The following RBFOX1 variants were observed in gnomAD, a reference collection of about 807,000 sequenced individuals.
The protein encoded by RBFOX1 is RNA binding protein fox-1 homolog 1.
A neutral mutation model predicts 57.7 loss-of-function variants in RBFOX1; 8 were observed. The observed-to-expected ratio is 0.14, with a 90% confidence interval of 0.08 to 0.25. The LOEUF (loss-of-function observed/expected upper bound fraction) is 0.25, where lower values mean the gene tolerates loss of function less well. RBFOX1 is among the 10% of genes least tolerant of loss of function. RBFOX1 has a pLI of 1.00. For missense variants in RBFOX1, 611 were observed against 548.5 expected (o/e 1.11, Z -1.14); for synonymous variants, 326 against 222.4 (o/e 1.47, Z -4.15).
At chr16:6,879,261 A>C (rs958123833) in intron 3 of RBFOX1, among the ~76,000 whole-genome samples, 1 of 152,140 alleles carries the variant, frequency 6.6e-6, no homozygotes, top group Admixed American at 6.6e-5. Flanking sequence ...CAGTGAATTT[A>C]TTTATCAGCC....
chr16:5,350,721 C>T (rs574419885), intron 1 of RBFOX1, among the ~76,000 whole-genome samples: 5 of 152,110 alleles, frequency 3.3e-5, no homozygotes, highest in African/African-American at 1.2e-4. Context: ...CAAAAAATAG[C>T]CAGGCATGGT....
At chr16:5,423,801 A>T (rs558371314) in intron 1 of RBFOX1, among the ~76,000 whole-genome samples, 12 of 152,098 alleles carry the variant, frequency 7.9e-5, no homozygotes, top group Admixed American at 3.3e-4. Flanking sequence ...GTTGCATCCA[A>T]CCTGATTTTG....
intron 3 of RBFOX1, among the ~76,000 whole-genome samples, chr16:5,830,976 A>G (rs1287390196): frequency 2.0e-5 from 3 of 151,160 alleles, no homozygotes; most frequent in Admixed American, 6.6e-5. Context: ...ATCCCCCCCC[A>G]ACTCTGTTTT....
chr16:7,025,391 A>T (rs1048030456), intron 3 of RBFOX1, among the ~76,000 whole-genome samples: 1 of 152,122 alleles, frequency 6.6e-6, no homozygotes, highest in Non-Finnish European at 1.5e-5. Context: ...TTTATCAGCA[A>T]GGTCCTTATG....
intron 3 of RBFOX1, among the ~76,000 whole-genome samples, chr16:7,030,164 G>C (rs1239084836): frequency 6.6e-6 from 1 of 152,156 alleles, no homozygotes; most frequent in Admixed American, 6.5e-5. Flanking sequence ...ATTGAGCTTT[G>C]TTCTGAGATA....
chr16:7,097,457 C>A (rs891037402), intron 4 of RBFOX1, among the ~76,000 whole-genome samples: 1 of 152,124 alleles, frequency 6.6e-6, no homozygotes, highest in African/African-American at 2.4e-5. Context: ...GAGAGAAGAA[C>A]CCTACAGAGG....
chr16:7,445,056 A>G (rs1007654375), intron 4 of RBFOX1, among the ~76,000 whole-genome samples: 2 of 151,856 alleles, frequency 1.3e-5, no homozygotes, highest in South Asian at 2.1e-4. Context: ...AGAAAAAGCA[A>G]CGTTCTTGAC....
At chr16:6,985,204 A>T (rs2089979591) in intron 3 of RBFOX1, among the ~76,000 whole-genome samples, 1 of 143,308 alleles carries the variant, frequency 7.0e-6, no homozygotes, top group Admixed American at 6.9e-5. Context: ...TATTTTAATC[A>T]TGGAAAGATT....
intron 3 of RBFOX1, among the ~76,000 whole-genome samples, chr16:6,975,341 C>T (rs1028478060): frequency 6.6e-6 from 1 of 152,094 alleles, no homozygotes; most frequent in Non-Finnish European, 1.5e-5. Context: ...TATCAGCTCA[C>T]TGCAATCTCC....
intron 2 of RBFOX1, among the ~76,000 whole-genome samples, chr16:6,385,154 A>G (rs1168505894): frequency 6.6e-6 from 1 of 152,212 alleles, no homozygotes; most frequent in African/African-American, 2.4e-5. Context: ...CATCATGGGA[A>G]GATGCTCTCA....
chr16:6,619,739 A>G (rs1228100697), intron 2 of RBFOX1, among the ~76,000 whole-genome samples: 1 of 149,748 alleles, frequency 6.7e-6, no homozygotes, highest in Non-Finnish European at 1.5e-5. Context: ...CAAGGTTACA[A>G]ATGTACTGTT....
intron 13 of RBFOX1, among the ~76,000 whole-genome samples, chr16:7,668,734 A>G (rs2070333886): frequency 6.6e-6 from 1 of 152,228 alleles, no homozygotes; most frequent in Non-Finnish European, 1.5e-5. Flanking sequence ...AACATATCAA[A>G]TCTTTTGATA....
At chr16:6,060,020 C>G (rs371133299) in intron 1 of RBFOX1, among the ~76,000 whole-genome samples, 60 of 150,940 alleles carry the variant, frequency 4.0e-4, no homozygotes, top group African/African-American at 9.8e-5. Flanking sequence ...TGATTGGATG[C>G]TGTTCTTTCC....
chr16:7,709,632 A>G, intron 15 of RBFOX1: 1 of 1,531,100 alleles, frequency 6.5e-7, no homozygotes, highest in South Asian at 1.2e-5. Context: ...TCGCCCAGGA[A>G]AGAAAATAGA....
chr16:5,922,278 A>G (rs1194096784), intron 4 of RBFOX1, among the ~76,000 whole-genome samples: 5 of 152,088 alleles, frequency 3.3e-5, no homozygotes, highest in Non-Finnish European at 7.4e-5. Context: ...ATGATTCAAC[A>G]CCTGCCATCT....
intron 2 of RBFOX1, among the ~76,000 whole-genome samples, chr16:5,587,056 C>G (rs552801610): frequency 6.6e-6 from 1 of 152,232 alleles, no homozygotes; most frequent in East Asian, 1.9e-4. Context: ...CCAGAGGGAG[C>G]CAGGGCAGAA....
chr16:6,749,655 G>C (rs1027439880), intron 3 of RBFOX1, among the ~76,000 whole-genome samples: 1 of 152,060 alleles, frequency 6.6e-6, no homozygotes, highest in East Asian at 1.9e-4. Context: ...CTCCTAATCA[G>C]TACATCAGGG....
chr16:6,510,443 C>T (rs910745424), intron 2 of RBFOX1, among the ~76,000 whole-genome samples: 4 of 152,174 alleles, frequency 2.6e-5, no homozygotes, highest in African/African-American at 7.2e-5. Flanking sequence ...GCTAAGCTCC[C>T]TCACTAAGAA....
chr16:7,434,209 C>T (rs754928053), intron 4 of RBFOX1, among the ~76,000 whole-genome samples: 3 of 152,108 alleles, frequency 2.0e-5, no homozygotes, highest in African/African-American at 4.8e-5. Flanking sequence ...CGGTGGCTCA[C>T]GGCTATAATC....
Sources: gnomAD v4.1 joint callset for allele counts (sites outside exome capture counted in the v4.1 genomes callset) on GRCh38, gnomAD v4.1.1 for gene constraint, MANE v1.5 for transcripts, NCBI Gene and HGNC (gene_info 2026-07-23, HGNC 2026-07-21) for gene names.